FBXW10: variants seen among roughly 807,000 people sequenced by gnomAD.
The protein encoded by FBXW10 is F-box/WD repeat-containing protein 10.
In FBXW10, 68 loss-of-function variants were observed where a neutral mutation model predicts 113.1. The ratio of observed to expected loss-of-function variants is 0.60; its 90% confidence interval spans 0.49 to 0.74. FBXW10 has a LOEUF of 0.74. Ranked by LOEUF, FBXW10 falls within the 30% of genes least tolerant of loss-of-function variation. The pLI is 0.00. For synonymous variants in FBXW10, 289 were observed against 481.6 expected, an observed-to-expected ratio of 0.60 and a Z score of 5.24; for missense variants, 753 against 1,284.5, an observed-to-expected ratio of 0.59 and a Z score of 6.32.
chr17:18,767,577 G>A (rs552606435), intron 9 of FBXW10, among the ~76,000 whole-genome samples: 2 of 152,156 alleles, frequency 1.3e-5, no homozygotes, highest in Non-Finnish European at 2.9e-5. Flanking sequence ...AACATGGATG[G>A]TCTTGAAAGT....
chr17:18,770,057 G>C lies in FBXW10; in HGVS notation c.1978G>C (p.Val660Leu). 2 of 1,614,226 alleles carry C rather than the reference G, an allele frequency of 1.2e-6. No homozygotes were observed. The highest frequency in any genetic ancestry group is 1.7e-6 in the Non-Finnish European group (2 of 1,180,050). Residue 660 changes from valine (V) to leucine (L), a missense_variant, in exon 11 of 14, where the codon GTG (valine) becomes CTG (leucine). Val to Leu is a conservative substitution (Grantham distance 32, BLOSUM62 1). Transcript: ENST00000395665. ...VLKANGRGDPVLSFFIQGNRM... is the reference protein window; with the variant it reads ...VLKANGRGDPLLSFFIQGNRM... Reference sequence around the variant, plus strand: ...AAAAGCCAATGGCAGAGGTGATCCTGTGCTGTCCTTCTTTATTCAGGGCAA... The same window carrying C: ...AAAAGCCAATGGCAGAGGTGATCCTCTGCTGTCCTTCTTTATTCAGGGCAA...
intron 6 of FBXW10, among the ~76,000 whole-genome samples, chr17:18,756,644 C>T (rs1437924292): frequency 6.6e-6 from 1 of 151,898 alleles, no homozygotes; most frequent in African/African-American, 2.4e-5. Context: ...ACACATATTT[C>T]TGTAACCCAG....
intron 7 of FBXW10, among the ~76,000 whole-genome samples, chr17:18,760,427 G>T (rs541234792): frequency 6.6e-6 from 1 of 152,228 alleles, no homozygotes; most frequent in Non-Finnish European, 1.5e-5. Flanking sequence ...GAAGCCCAAA[G>T]GCCATCTGCC....
Position 18,772,661 on chromosome 17 carries a change from G to A in FBXW10, c.2256G>A (p.Leu752=), listed in dbSNP as rs753546278. The A allele has an allele frequency of 9.4e-5, 151 of 1,611,704 alleles. 2 individuals carry two copies. The South Asian group carries it at 1.4e-3, about 15-fold the overall frequency. ...AACCTCCCAAGTCCCGAGTACTCCT[G>A]AAGCCGGCCAAGTTCTCTTCAGGTA... is the stretch of plus-strand genomic sequence containing the variant. ...PGKPPKSRVL[L]KPAKFSSAVL... The change falls in exon 12 of 14, where the codon CTG becomes CTA. Residue 752 remains leucine, a synonymous_variant. Transcript: ENST00000395665.
intron 11 of FBXW10, among the ~76,000 whole-genome samples, chr17:18,772,166 C>A (rs141241128): frequency 6.6e-6 from 1 of 152,100 alleles, no homozygotes; most frequent in South Asian, 2.1e-4. Context: ...GTGAAACAAT[C>A]GGAACATATG....
chr17:18,767,268 C>T (rs189852438), intron 9 of FBXW10, among the ~76,000 whole-genome samples: 2 of 151,822 alleles, frequency 1.3e-5, no homozygotes, highest in East Asian at 1.9e-4. Flanking sequence ...GTCAGGAGTT[C>T]GAGACCAGCC....
At chr17:18,773,759 G>A (rs2035657115) in intron 12 of FBXW10, among the ~76,000 whole-genome samples, 2 of 152,168 alleles carry the variant, frequency 1.3e-5, no homozygotes, top group Admixed American at 6.5e-5. Context: ...AAAGTGGGTG[G>A]GAGGGGGAAT....
chr17:18,767,823 G>C (rs1003941879), intron 9 of FBXW10, among the ~76,000 whole-genome samples: 2 of 151,940 alleles, frequency 1.3e-5, no homozygotes, highest in African/African-American at 4.8e-5. Context: ...CCTTACCTTC[G>C]TCCTTCTCAC....
At chr17:18,775,279 G>A in intron 13 of FBXW10, 87 bp downstream of exon 13, 1 of 850,298 alleles carries the variant, frequency 1.2e-6, no homozygotes, top group Non-Finnish European at 2.0e-6. Context: ...CACAGCAGGA[G>A]ATAAGACAAA....
At chr17:18,756,218 G>A (rs1287428936) in intron 6 of FBXW10, 64 bp downstream of exon 6, 2 of 1,498,602 alleles carry the variant, frequency 1.3e-6, no homozygotes, top group Non-Finnish European at 1.8e-6. Flanking sequence ...TGACATTTGG[G>A]ATTTCCCTGA....
At chr17:18,772,125 T>A (rs558485286) in intron 11 of FBXW10, among the ~76,000 whole-genome samples, 105 of 152,034 alleles carry the variant, frequency 6.9e-4, no homozygotes, top group African/African-American at 2.4e-3. Flanking sequence ...AAAATAAAAA[T>A]AAAAAATAAA....
intron 7 of FBXW10, among the ~76,000 whole-genome samples, chr17:18,764,340 T>C (rs1393185012): frequency 6.6e-6 from 1 of 151,744 alleles, no homozygotes. Context: ...TAGCTGGGAC[T>C]ACAGGTGCAC....
Position 18,772,696 on chromosome 17 carries a change from A to C in FBXW10, c.2278+13A>C, listed in dbSNP as rs753266896. On this transcript the variant is annotated intron_variant, in intron 12 of 13. Transcript: ENST00000395665. ...AAGTTCTCTTCAGGTAAAAAACTGA[A>C]ATACCAGCAAGTTCAGTGATAACCC... 5.0e-6 allele frequency: 8 copies of C among 1,604,146 alleles called. No homozygotes were observed. Among genetic ancestry groups the C allele is most frequent in the Non-Finnish European group, 6.8e-6 (8 of 1,176,176 alleles).
intron 7 of FBXW10, among the ~76,000 whole-genome samples, chr17:18,760,577 G>T (rs2035359303): frequency 6.6e-6 from 1 of 152,370 alleles, no homozygotes; most frequent in African/African-American, 2.4e-5. Flanking sequence ...GCTGAGGCAG[G>T]CGGATCATCT....
chr17:18,778,551 G>C lies in FBXW10; in HGVS notation c.2412G>C (p.Lys804Asn), dbSNP rs755214578. 4.3e-6 allele frequency: 7 copies of C among 1,613,664 alleles called. No homozygotes were observed. Among genetic ancestry groups the C allele is most frequent in the Non-Finnish European group, 5.9e-6 (7 of 1,179,764 alleles). ...AACTGCCCAGTCACCCAAAGAAAAA[G>C]TCTTGGAAAATCCCTATGTCACCTG... ...PGKLPSHPKK[K>N]SWKIPMSPDQ... is the part of the protein sequence containing the mutation. The change falls in exon 14 of 14, where the codon AAG becomes AAC. Residue 804 changes from lysine (K) to asparagine (N), a missense_variant. Transcript: ENST00000395665.
intron 1 of FBXW10, among the ~76,000 whole-genome samples, chr17:18,746,913 A>T (rs1204451655): frequency 6.7e-6 from 1 of 148,552 alleles, no homozygotes; most frequent in Non-Finnish European, 1.5e-5. Flanking sequence ...AGGTTGTGGC[A>T]ACCTTCTTTT....
At chr17:18,776,618 C>G (rs2151835115) in intron 13 of FBXW10, among the ~76,000 whole-genome samples, 1 of 152,274 alleles carries the variant, frequency 6.6e-6, no homozygotes, top group South Asian at 2.1e-4. Context: ...AGGATAAGTG[C>G]ATTCAAAAAC....
chr17:18,753,097 C>T (rs1288394205), intron 5 of FBXW10, among the ~76,000 whole-genome samples: 1 of 152,182 alleles, frequency 6.6e-6, no homozygotes, highest in Non-Finnish European at 1.5e-5. Flanking sequence ...TAGTCTCATG[C>T]ATTTCAAGGA....
chr17:18,765,727 A>G (rs1597599654), intron 8 of FBXW10, among the ~76,000 whole-genome samples: 1 of 150,100 alleles, frequency 6.7e-6, no homozygotes, highest in African/African-American at 2.4e-5. Context: ...ATCACTTTCA[A>G]CTTCTTCCTT....
Sources: allele counts gnomAD v4.1 joint callset (sites outside exome capture counted in the v4.1 genomes callset), GRCh38; gene constraint gnomAD v4.1.1; transcripts MANE v1.5; gene names NCBI Gene and HGNC (gene_info 2026-07-23, HGNC 2026-07-21).